ADARB2: variants seen among roughly 807,000 people sequenced by gnomAD.
ADARB2 encodes the protein adenosine deaminase RNA specific B2 (inactive).
Under a neutral mutation model 62.2 loss-of-function variants are expected in ADARB2, and 25 were observed. That is an observed-to-expected ratio of 0.40 (90% confidence interval 0.29 to 0.56). ADARB2 has a LOEUF of 0.56. ADARB2 is among the 20% of genes least tolerant of loss of function. The pLI, the probability that ADARB2 is intolerant of heterozygous loss-of-function variation, is 0.43. For missense variants in ADARB2, 1,071 were observed against 1,077.4 expected (o/e 0.99, Z 0.08); for synonymous variants, 572 against 500.8 (o/e 1.14, Z -1.90).
At chr10:1,361,343 C>T (rs1832252980) in intron 3 of ADARB2, 1 of 152,212 alleles carries the variant, frequency 6.6e-6, no homozygotes, top group Admixed American at 6.5e-5. Context: ...AAGCCAGGCC[C>T]CAGCGCCCTT....
intron 8 of ADARB2, among the ~76,000 whole-genome samples, chr10:1,197,417 G>A (rs771196929): frequency 5.3e-5 from 8 of 152,200 alleles, no homozygotes; most frequent in Non-Finnish European, 1.2e-4. Flanking sequence ...ATTTCAGTAC[G>A]TATCTAACTT....
chr10:1,346,773 T>C (rs1206383038), intron 3 of ADARB2, among the ~76,000 whole-genome samples: 1 of 152,222 alleles, frequency 6.6e-6, no homozygotes, highest in Non-Finnish European at 1.5e-5. Context: ...GGCACGTGGG[T>C]CCTTGCCTTC....
chr10:1,724,257 A>G (rs1345619607), intron 1 of ADARB2, among the ~76,000 whole-genome samples: 1 of 152,052 alleles, frequency 6.6e-6, no homozygotes, highest in Non-Finnish European at 1.5e-5. Flanking sequence ...AGCTGCACCC[A>G]TCTCTGCATC....
intron 1 of ADARB2, among the ~76,000 whole-genome samples, chr10:1,393,085 T>G (rs879825554): frequency 1.3e-5 from 2 of 152,230 alleles, no homozygotes; most frequent in Non-Finnish European, 2.9e-5. Context: ...GAAACATCAC[T>G]TCCAACTCAT....
intron 1 of ADARB2, among the ~76,000 whole-genome samples, chr10:1,590,574 T>C (rs994691906): frequency 2.6e-5 from 4 of 152,232 alleles, no homozygotes; most frequent in Non-Finnish European, 5.9e-5. Flanking sequence ...GGTTCCCCTC[T>C]GGCCGTTAGA....
At position 1,645,188 on chromosome 10, in the gene ADARB2, G is replaced by A. The variant is rs140484965; in HGVS notation, c.100+91863C>T. Reference sequence around the variant, plus strand: ...GACCAAGGTTCTGAGCACTTAAGACGCTTCAGTCAGATTAGCCAATAGCAC... The same window carrying A: ...GACCAAGGTTCTGAGCACTTAAGACACTTCAGTCAGATTAGCCAATAGCAC... On this transcript the variant is annotated intron_variant, in intron 1 of 9. Transcript: ENST00000381312. Among the ~76,000 whole-genome samples, 38 of 152,348 alleles carry A rather than the reference G, an allele frequency of 2.5e-4. 2 individuals carry two copies. In the East Asian group the frequency reaches 6.9e-3, roughly 28 times the overall value.
At chr10:1,600,465 A>G (rs1833396626) in intron 1 of ADARB2, among the ~76,000 whole-genome samples, 1 of 152,106 alleles carries the variant, frequency 6.6e-6, no homozygotes, top group Admixed American at 6.5e-5. Context: ...GTTTGAGACC[A>G]GCCTGGTCAA....
intron 1 of ADARB2, among the ~76,000 whole-genome samples, chr10:1,611,319 A>G (rs1400113803): frequency 1.3e-5 from 2 of 152,084 alleles, no homozygotes; most frequent in African/African-American, 4.8e-5. Context: ...AATCTGTAAT[A>G]CTCAGTTCCT....
At chr10:1,613,823 G>A (rs1222500276) in intron 1 of ADARB2, among the ~76,000 whole-genome samples, 2 of 152,238 alleles carry the variant, frequency 1.3e-5, no homozygotes, top group African/African-American at 2.4e-5. Context: ...CTGCACCTGA[G>A]AGCAGCAAGC....
intron 1 of ADARB2, among the ~76,000 whole-genome samples, chr10:1,551,169 T>C (rs1038550657): frequency 6.6e-6 from 1 of 152,116 alleles, no homozygotes; most frequent in Non-Finnish European, 1.5e-5. Context: ...AGGAGGACCC[T>C]GTGAGGACAC....
intron 1 of ADARB2, among the ~76,000 whole-genome samples, chr10:1,396,772 G>A (rs1231234149): frequency 2.6e-5 from 1 of 38,792 alleles, no homozygotes. Context: ...CTGGGTCACT[G>A]TCCTCCTCTC....
intron 6 of ADARB2, among the ~76,000 whole-genome samples, chr10:1,230,124 C>G (rs971196318): frequency 4.6e-5 from 7 of 152,022 alleles, no homozygotes; most frequent in African/African-American, 1.7e-4. Flanking sequence ...ATGAGCTCCT[C>G]TGGCCCCCAG....
chr10:1,336,064 G>A (rs1831972903), intron 3 of ADARB2, among the ~76,000 whole-genome samples: 2 of 152,168 alleles, frequency 1.3e-5, no homozygotes, highest in Admixed American at 6.5e-5. Flanking sequence ...TTCTAAACAT[G>A]TCCTCCATTT....
At chr10:1,471,179 A>G (rs1200098854) in intron 1 of ADARB2, among the ~76,000 whole-genome samples, 2 of 152,226 alleles carry the variant, frequency 1.3e-5, no homozygotes, top group Non-Finnish European at 2.9e-5. Flanking sequence ...ACGATTCCAC[A>G]AAGGATTTCA....
At chr10:1,603,306 TC>T (rs771286258) in intron 1 of ADARB2, among the ~76,000 whole-genome samples, 2 of 152,208 alleles carry the variant, frequency 1.3e-5, no homozygotes, top group Non-Finnish European at 2.9e-5. Flanking sequence ...CTATGGCTCT[TC>T]CTGGTGCCGC....
intron 1 of ADARB2, among the ~76,000 whole-genome samples, chr10:1,572,841 G>A (rs1264883851): frequency 6.6e-6 from 1 of 152,162 alleles, no homozygotes; most frequent in African/African-American, 2.4e-5. Context: ...GGTGCTTCTG[G>A]GCCCCCAAAT....
At position 1,623,798 on chromosome 10, in the gene ADARB2, C is replaced by T. The variant is rs544135351; in HGVS notation, c.100+113253G>A. Among the ~76,000 whole-genome samples, 5 of 152,344 alleles carry T rather than the reference C, an allele frequency of 3.3e-5. No homozygotes were observed. In the South Asian group the frequency reaches 1.0e-3, roughly 32 times the overall value. On this transcript the variant is annotated intron_variant, in intron 1 of 9. Transcript: ENST00000381312. Reference sequence around the variant, plus strand: ...AGTCAAATAGTTAATGTTCATAGAGCTTATTAGAGACCCACAGCATTTAAT... The same window carrying T: ...AGTCAAATAGTTAATGTTCATAGAGTTTATTAGAGACCCACAGCATTTAAT...
chr10:1,575,808 G>C (rs1833003229), intron 1 of ADARB2, among the ~76,000 whole-genome samples: 1 of 152,190 alleles, frequency 6.6e-6, no homozygotes, highest in African/African-American at 2.4e-5. Context: ...GGCAGTGCCA[G>C]GGTCGTTTCT....
intron 1 of ADARB2, among the ~76,000 whole-genome samples, chr10:1,616,311 GA>G (rs1359759063): frequency 6.6e-6 from 1 of 151,876 alleles, no homozygotes; most frequent in Non-Finnish European, 1.5e-5. Context: ...GTTTCATCGA[GA>G]AAAAAAAGAA....
Sources: gnomAD v4.1 joint callset for allele counts (sites outside exome capture counted in the v4.1 genomes callset) on GRCh38, gnomAD v4.1.1 for gene constraint, MANE v1.5 for transcripts, NCBI Gene and HGNC (gene_info 2026-07-23, HGNC 2026-07-21) for gene names.